Variants in ACOT12 observed in about 807,000 individuals in gnomAD.
ACOT12 encodes the protein acyl-CoA thioesterase 12.
In ACOT12, 51 loss-of-function variants were observed where a neutral mutation model predicts 67.7. That is an observed-to-expected ratio of 0.75 (90% CI 0.60 to 0.95). The LOEUF is 0.95. Ranked by LOEUF, ACOT12 falls within the 40% of genes least tolerant of loss-of-function variation. ACOT12 has a pLI of 0.00. For synonymous variants in ACOT12, 251 were observed against 244.6 expected, an observed-to-expected ratio of 1.03 and a Z score of -0.24; for missense variants, 734 against 708.1, an observed-to-expected ratio of 1.04 and a Z score of -0.41.
At chr5:81,389,820 C>T (rs1319387955) in intron 1 of ACOT12, among the ~76,000 whole-genome samples, 1 of 145,698 alleles carries the variant, frequency 6.9e-6, no homozygotes, top group Non-Finnish European at 1.5e-5. Context: ...AGCCACCAGG[C>T]CCAGCCTGTA....
intron 3 of ACOT12, among the ~76,000 whole-genome samples, chr5:81,371,415 C>A (rs544104238): frequency 4.0e-5 from 6 of 149,020 alleles, no homozygotes; most frequent in Admixed American, 4.0e-4. Context: ...ACTGTGCTGG[C>A]TAATTTTTTT....
the ACOT12 span, among the ~76,000 whole-genome samples, chr5:81,309,355 G>A: frequency 6.6e-6 from 1 of 152,112 alleles, no homozygotes; most frequent in Admixed American, 6.5e-5. Flanking sequence ...CTAATATGAG[G>A]TTTTTAAAAT....
At chr5:81,376,677 A>T (rs1246104115) in intron 2 of ACOT12, among the ~76,000 whole-genome samples, 1 of 152,142 alleles carries the variant, frequency 6.6e-6, no homozygotes, top group South Asian at 2.1e-4. Context: ...ATCTCACAGA[A>T]ATACAAACTA....
At chr5:81,387,290 C>CCACCA (rs1760755286) in intron 1 of ACOT12, among the ~76,000 whole-genome samples, 1 of 152,106 alleles carries the variant, frequency 6.6e-6, no homozygotes. Flanking sequence ...CAGGCATGAG[C>CCACCA]TCTATCTTTT....
At position 81,344,967 on chromosome 5, in the gene ACOT12, C is replaced by G; in HGVS notation, c.848G>C (p.Ser283Thr). Reference sequence around the variant, plus strand: ...AGCAGCATTGTAAATGAGAAAAGCACTGTTGATGTGACGCCCTCGGCCCTC... The same window carrying G: ...AGCAGCATTGTAAATGAGAAAAGCAGTGTTGATGTGACGCCCTCGGCCCTC... Reference protein sequence around the residue: ...WAEGRGRHINSAFLIYNAADD... With the variant: ...WAEGRGRHINTAFLIYNAADD... Residue 283 changes from serine to threonine, a missense_variant, in exon 8 of 15, where the codon AGT becomes ACT. Coordinates refer to ENST00000307624, the MANE Select transcript of ACOT12 (RefSeq NM_130767.3). 6.2e-7 allele frequency: 1 copy of G among 1,614,216 alleles called. No homozygotes were observed. Among genetic ancestry groups the G allele is most frequent in the Non-Finnish European group, 8.5e-7 (1 of 1,180,032 alleles).
rs1176512424 is a variant in ACOT12 at position 81,330,276 on chromosome 5, A to G, written c.*118T>C. The G allele has an allele frequency of 6.0e-6, 7 of 1,171,412 alleles. No individual in the cohort carries two copies. The highest frequency in any genetic ancestry group is 8.1e-6 in the Non-Finnish European group (7 of 861,256). 72.6% of individuals were successfully genotyped at this position (1,171,412 alleles called of 1,614,324 possible). ...TTTTGTTTTTTAACTCCGTCACTGC[A>G]TTTTGCTTAGGGTTATATTAAATTA... On this transcript the variant is annotated 3_prime_UTR_variant, in exon 15 of 15. Transcript: ENST00000307624.
the ACOT12 span, chr5:81,313,407 T>C: frequency 6.6e-6 from 1 of 152,244 alleles, no homozygotes; most frequent in South Asian, 2.1e-4. Flanking sequence ...ATTCAGTTTT[T>C]GTTACTTAAC....
At chr5:81,324,802 A>C in the ACOT12 span, among the ~76,000 whole-genome samples, 5 of 152,368 alleles carry the variant, frequency 3.3e-5, no homozygotes, top group East Asian at 1.9e-4. Context: ...GAGACTAAGT[A>C]AGTCAAGAAC....
intron 1 of ACOT12, among the ~76,000 whole-genome samples, chr5:81,387,323 T>TA (rs1032800316): frequency 1.3e-5 from 2 of 152,082 alleles, no homozygotes; most frequent in African/African-American, 4.8e-5. Flanking sequence ...CTGTGGCACT[T>TA]AGAGATCCAG....
At chr5:81,351,039 T>G (rs921669083) in intron 5 of ACOT12, among the ~76,000 whole-genome samples, 6 of 152,248 alleles carry the variant, frequency 3.9e-5, no homozygotes, top group Non-Finnish European at 7.3e-5. Flanking sequence ...TTTTCTCTTA[T>G]TTTTCTGCCT....
intron 4 of ACOT12, among the ~76,000 whole-genome samples, chr5:81,363,213 C>T (rs1759972213): frequency 6.6e-6 from 1 of 152,168 alleles, no homozygotes; most frequent in Non-Finnish European, 1.5e-5. Context: ...CCAGCAGCCT[C>T]CAGATGAGTG....
Position 81,359,948 on chromosome 5 carries a change from C to T in ACOT12, c.451G>A (p.Glu151Lys), listed in dbSNP as rs1561338240. 1.9e-6 allele frequency: 3 copies of T among 1,612,714 alleles called. No homozygotes were observed. Among genetic ancestry groups the T allele is most frequent in the South Asian group, 1.1e-5 (1 of 90,666 alleles). Reference protein sequence around the residue: ...AERRKVRLQHEDTFNNLMKES... With the variant: ...AERRKVRLQHKDTFNNLMKES... ...TTCATTAAATTGTTAAAGGTATCTT[C>T]ATGTTGTAATCGAACTTTCCTTCTC... Residue 151 changes from glutamate to lysine, a missense_variant, in exon 5 of 15, where the codon GAA becomes AAA. Physicochemically the swap from Glu to Lys is moderately conservative, Grantham distance 56 (BLOSUM62 1). Transcript: ENST00000307624.
At chr5:81,345,100 TGCACACCGCTGCCACCTCCTC>T (rs147835552) in intron 7 of ACOT12, 59 bp from the exon 8 acceptor site, 566,248 of 1,591,868 alleles carry the variant, frequency 0.36, 105,484 homozygotes, top group African/African-American at 0.53. Context: ...AGGCCCTCCT[TGCACACCGCTGCCACCTCCTC>T]GCCCACCGCT....
At chr5:81,393,910 T>A in intron 1 of ACOT12, 78 bp downstream of exon 1, 1 of 1,241,194 alleles carries the variant, frequency 8.1e-7, no homozygotes. Context: ...CTCGCCTTCC[T>A]ACCCCCCCCA....
At chr5:81,337,628 G>A (rs1759045798) in intron 11 of ACOT12, among the ~76,000 whole-genome samples, 1 of 151,048 alleles carries the variant, frequency 6.6e-6, no homozygotes, top group African/African-American at 2.4e-5. Context: ...TATAAGCCAA[G>A]GAATGCCAAA....
chr5:81,391,314 G>A lies in ACOT12; in HGVS notation c.127+2674C>T, dbSNP rs115984047. Among the ~76,000 whole-genome samples the A allele has an allele frequency of 1.7e-3, 260 of 152,320 alleles. 1 individual carries two copies. The highest frequency in any genetic ancestry group is 6.0e-3 in the African/African-American group (251 of 41,566). ...TTGGGCTCTTCAAACCAGCAAGCCTGTGGGTTTTCCATCAGAACTATAGCT... is the reference window on the plus strand; with the variant it reads ...TTGGGCTCTTCAAACCAGCAAGCCTATGGGTTTTCCATCAGAACTATAGCT... On this transcript the variant is annotated intron_variant, in intron 1 of 14. Coordinates refer to ENST00000307624, the MANE Select transcript of ACOT12 (RefSeq NM_130767.3).
intron 4 of ACOT12, among the ~76,000 whole-genome samples, chr5:81,361,772 C>A (rs894941168): frequency 3.9e-5 from 6 of 152,216 alleles, no homozygotes; most frequent in African/African-American, 1.4e-4. Flanking sequence ...TGAGTGTACC[C>A]TGTGGAGTCT....
chr5:81,342,837 G>C (rs1377030401), intron 10 of ACOT12, 82 bp from the exon 11 acceptor site: 1 of 1,431,898 alleles, frequency 7.0e-7, no homozygotes, highest in Non-Finnish European at 9.8e-7. Context: ...TAAAAAATGG[G>C]CACTGTTGGA....
At chr5:81,319,008 T>C in the ACOT12 span, among the ~76,000 whole-genome samples, 1 of 151,834 alleles carries the variant, frequency 6.6e-6, no homozygotes, top group Non-Finnish European at 1.5e-5. Context: ...AATTGTGAGA[T>C]TGCTGATTTT....
Sources: gnomAD v4.1 joint callset for allele counts (sites outside exome capture counted in the v4.1 genomes callset) on GRCh38, gnomAD v4.1.1 for gene constraint, MANE v1.5 for transcripts, NCBI Gene and HGNC (gene_info 2026-07-23, HGNC 2026-07-21) for gene names.